IL7: variants seen among roughly 807,000 people sequenced by gnomAD.
IL7 encodes interleukin 7, also known as interleukin-7.
A neutral mutation model predicts 21.6 loss-of-function variants in IL7; 3 were observed. The ratio of observed to expected loss-of-function variants is 0.14; its 90% CI spans 0.06 to 0.36. The LOEUF is 0.36. Among genes scored for constraint, IL7 ranks in the 10% least tolerant of loss-of-function variants. IL7 has a pLI of 1.00. For synonymous variants in IL7, 62 were observed against 68.1 expected, an observed-to-expected ratio of 0.91 and a Z score of 0.44; for missense variants, 175 against 200.2, an observed-to-expected ratio of 0.87 and a Z score of 0.76.
chr8:78,701,696 CG>C (rs1307899709), intron 3 of IL7, among the ~76,000 whole-genome samples: 1 of 152,148 alleles, frequency 6.6e-6, no homozygotes, highest in Non-Finnish European at 1.5e-5. Context: ...GAGTTTTTAA[CG>C]TGAAGGGATG....
chr8:78,738,469 A>G (rs1047858135), intron 4 of IL7, 35 bp downstream of exon 4: 51 of 1,571,098 alleles, frequency 3.2e-5, no homozygotes, highest in Non-Finnish European at 4.4e-5. Context: ...GGAGTATTTA[A>G]TATTTTTATT....
At chr8:78,689,974 G>A (rs1211584874) in intron 3 of IL7, among the ~76,000 whole-genome samples, 1 of 152,108 alleles carries the variant, frequency 6.6e-6, no homozygotes, top group Non-Finnish European at 1.5e-5. Flanking sequence ...TGGTATTTGT[G>A]TATAGTGTGA....
At chr8:78,785,715 C>G (rs911562134) in intron 2 of IL7, among the ~76,000 whole-genome samples, 1 of 152,124 alleles carries the variant, frequency 6.6e-6, no homozygotes, top group African/African-American at 2.4e-5. Context: ...TGTGGCATTT[C>G]TGTATCGTTG....
At chr8:78,676,067 C>A in exon 5 of IL7, 1 of 381,072 alleles carries the variant, frequency 2.6e-6, no homozygotes, top group Non-Finnish European at 4.6e-6. Flanking sequence ...CAGAACTCTT[C>A]TGTTAAAGTT....
intron 3 of IL7, among the ~76,000 whole-genome samples, chr8:78,690,425 T>TG (rs1328127811): frequency 5.9e-5 from 9 of 152,096 alleles, no homozygotes; most frequent in Middle Eastern, 3.2e-3. Flanking sequence ...CTGGACGTGG[T>TG]GGCGGGCGCC....
intron 3 of IL7, among the ~76,000 whole-genome samples, chr8:78,701,315 A>G (rs1302231078): frequency 6.6e-6 from 1 of 152,132 alleles, no homozygotes; most frequent in Non-Finnish European, 1.5e-5. Context: ...GTGTATAGGA[A>G]TGCTAGTGAT....
At chr8:78,735,276 C>CTTTTTTTTTTTTTTTTTCT in intron 5 of IL7, among the ~76,000 whole-genome samples, 1 of 78,510 alleles carries the variant, frequency 1.3e-5, no homozygotes, top group Non-Finnish European at 2.3e-5. Flanking sequence ...CTTTTCTTTT[C>CTTTTTTTTTTTTTTTTTCT]TTTTTTTTTT....
chr8:78,683,662 G>T (rs1288022772), intron 4 of IL7, among the ~76,000 whole-genome samples: 1 of 152,078 alleles, frequency 6.6e-6, no homozygotes, highest in South Asian at 2.1e-4. Flanking sequence ...TTTTCCCTTT[G>T]TCTTGGTGAT....
At chr8:78,782,377 C>A (rs1489487280) in intron 2 of IL7, among the ~76,000 whole-genome samples, 1 of 152,106 alleles carries the variant, frequency 6.6e-6, no homozygotes, top group African/African-American at 2.4e-5. Context: ...GGCTGCTGAC[C>A]TTTGGATGGG....
downstream of IL7, among the ~76,000 whole-genome samples, chr8:78,714,384 T>G (rs1435871977): frequency 6.6e-6 from 1 of 152,168 alleles, no homozygotes; most frequent in Non-Finnish European, 1.5e-5. Flanking sequence ...TGTTAACTTA[T>G]AGTGGCAACA....
intron 2 of IL7, among the ~76,000 whole-genome samples, chr8:78,773,375 C>T (rs1813024104): frequency 6.6e-6 from 1 of 152,098 alleles, no homozygotes; most frequent in African/African-American, 2.4e-5. Flanking sequence ...TCATCAATGT[C>T]ATAACGAACG....
chr8:78,749,376 C>T (rs1165695835), intron 2 of IL7, among the ~76,000 whole-genome samples: 4 of 151,972 alleles, frequency 2.6e-5, no homozygotes, highest in Admixed American at 6.6e-5. Context: ...CCAATCCATA[C>T]TTAAAAGTAA....
intron 2 of IL7, among the ~76,000 whole-genome samples, chr8:78,748,941 A>G (rs987208674): frequency 1.3e-5 from 2 of 152,222 alleles, no homozygotes; most frequent in East Asian, 1.9e-4. Context: ...TTTTCAGGTA[A>G]TGTTCATAAA....
intron 1 of IL7, among the ~76,000 whole-genome samples, chr8:78,802,987 C>T (rs1814134086): frequency 6.6e-6 from 1 of 152,018 alleles, no homozygotes; most frequent in African/African-American, 2.4e-5. Flanking sequence ...GTTCTTGTTA[C>T]AGTAGGTTAT....
intron 2 of IL7, among the ~76,000 whole-genome samples, chr8:78,788,800 C>A (rs1190337696): frequency 6.6e-6 from 1 of 152,158 alleles, no homozygotes; most frequent in East Asian, 1.9e-4. Context: ...CCTGCTGAAT[C>A]TGTCAATTAC....
chr8:78,755,676 T>G (rs1812322716), intron 2 of IL7, among the ~76,000 whole-genome samples: 1 of 152,082 alleles, frequency 6.6e-6, no homozygotes, highest in Non-Finnish European at 1.5e-5. Context: ...TCTCGTATGT[T>G]AATTTTGTAT....
chr8:78,733,607 T>TTC lies in IL7; in HGVS notation c.*104_*105dup. 1 of 1,186,420 alleles carries TTC rather than the reference T, an allele frequency of 8.4e-7. No homozygotes were observed. 73.5% of individuals were successfully genotyped at this position (1,186,420 alleles called of 1,614,324 possible). ...CCTAATCCGTTTTGACCATGGTGCA[T>TTC]TCAGTAACTTCTAGGAAGCATTCCA... On this transcript the variant is annotated 3_prime_UTR_variant, in exon 6 of 6. Coordinates refer to ENST00000263851, the MANE Select transcript of IL7 (RefSeq NM_000880.4).
intron 3 of IL7, among the ~76,000 whole-genome samples, chr8:78,706,865 A>G (rs1454111679): frequency 6.6e-6 from 1 of 152,200 alleles, no homozygotes; most frequent in African/African-American, 2.4e-5. Context: ...TAATGTAATT[A>G]TCATTATAGA....
At chr8:78,788,357 T>C (rs1813580117) in intron 2 of IL7, among the ~76,000 whole-genome samples, 1 of 152,120 alleles carries the variant, frequency 6.6e-6, no homozygotes, top group Non-Finnish European at 1.5e-5. Flanking sequence ...TTTATATCTT[T>C]TTCTTTTCTT....
Sources: allele counts gnomAD v4.1 joint callset (sites outside exome capture counted in the v4.1 genomes callset), GRCh38; gene constraint gnomAD v4.1.1; transcripts MANE v1.5; gene names NCBI Gene and HGNC (gene_info 2026-07-23, HGNC 2026-07-21).